Variants in PHLDB2 observed in about 807,000 individuals in gnomAD.
PHLDB2 encodes pleckstrin homology like domain family B member 2.
Under a neutral mutation model 123.6 loss-of-function variants are expected in PHLDB2, and 71 were observed. The ratio of observed to expected loss-of-function variants is 0.57; its 90% CI spans 0.47 to 0.70. The LOEUF is 0.70. Ranked by LOEUF, PHLDB2 falls within the 30% of genes least tolerant of loss-of-function variation. The pLI, the probability that PHLDB2 is intolerant of heterozygous loss-of-function variation, is 0.00. For missense variants in PHLDB2, 1,446 were observed against 1,519.5 expected (o/e 0.95, Z 0.80); for synonymous variants, 547 against 541.6 (o/e 1.01, Z -0.14).
intron 1 of PHLDB2, among the ~76,000 whole-genome samples, chr3:111,876,930 T>C (rs1458379254): frequency 6.6e-6 from 1 of 152,258 alleles, no homozygotes; most frequent in Admixed American, 6.5e-5. Context: ...TAGTATTCCA[T>C]GGTGTATATG....
intron 12 of PHLDB2, among the ~76,000 whole-genome samples, chr3:111,956,828 A>G (rs993923528): frequency 4.6e-5 from 7 of 152,234 alleles, no homozygotes; most frequent in Non-Finnish European, 1.0e-4. Context: ...AATTTCATTT[A>G]GAATTGTTTG....
At chr3:111,750,328 T>A (rs1021287312) in intron 1 of PHLDB2, among the ~76,000 whole-genome samples, 7 of 152,204 alleles carry the variant, frequency 4.6e-5, no homozygotes, top group Non-Finnish European at 8.8e-5. Context: ...TTGAGAAGCC[T>A]ACAGAGTCTC....
upstream of PHLDB2, chr3:111,859,176 C>G (rs1446254671): frequency 1.0e-6 from 1 of 984,964 alleles, no homozygotes; most frequent in African/African-American, 1.7e-5. Context: ...ATAGATACTT[C>G]GCTGTCTGGT....
chr3:111,975,612 A>C lies in PHLDB2; in HGVS notation c.*1049A>C, dbSNP rs1466392406. ...TCTATAAAACGGCAAATGAAGTTCA[A>C]CTTAATATTCTCTATAATGTATTAT... is the stretch of plus-strand genomic sequence containing the variant. On this transcript the variant is annotated 3_prime_UTR_variant, in exon 18 of 18. Coordinates refer to ENST00000431670, the MANE Select transcript of PHLDB2 (RefSeq NM_001134438.2). The C allele has an allele frequency of 6.6e-6, 1 of 152,474 alleles. No homozygotes were observed. The highest frequency in any genetic ancestry group is 1.5e-5 in the Non-Finnish European group (1 of 68,042). The allele number at this position is 152,474 out of a possible 1,614,324, so 9.4% of individuals were successfully genotyped here.
chr3:111,925,858 T>G (rs1199525742), intron 5 of PHLDB2, among the ~76,000 whole-genome samples: 1 of 152,250 alleles, frequency 6.6e-6, no homozygotes, highest in Non-Finnish European at 1.5e-5. Context: ...ACTAAAAATA[T>G]TTTTCAATTT....
chr3:111,945,015 T>A (rs938304824), intron 8 of PHLDB2, among the ~76,000 whole-genome samples: 1 of 152,244 alleles, frequency 6.6e-6, no homozygotes, highest in Non-Finnish European at 1.5e-5. Context: ...CATTTTTAAA[T>A]GACTCTATAA....
intron 1 of PHLDB2, among the ~76,000 whole-genome samples, chr3:111,763,095 G>A (rs2060021834): frequency 6.6e-6 from 1 of 152,198 alleles, no homozygotes; most frequent in Admixed American, 6.5e-5. Context: ...AGCCATAGCT[G>A]CACTGAGCTT....
At chr3:111,772,447 A>G (rs1241604349) in intron 1 of PHLDB2, among the ~76,000 whole-genome samples, 1 of 152,204 alleles carries the variant, frequency 6.6e-6, no homozygotes, top group African/African-American at 2.4e-5. Flanking sequence ...TATGAAGGGG[A>G]GTAACCATAT....
At chr3:111,787,408 CT>C (rs1310036633) in intron 1 of PHLDB2, among the ~76,000 whole-genome samples, 1 of 152,116 alleles carries the variant, frequency 6.6e-6, no homozygotes, top group East Asian at 1.9e-4. Flanking sequence ...AGATATTCTC[CT>C]TTATCTTTGG....
At chr3:111,856,673 G>A (rs2064524260), upstream of PHLDB2, among the ~76,000 whole-genome samples, 1 of 152,132 alleles carries the variant, frequency 6.6e-6, no homozygotes, top group Non-Finnish European at 1.5e-5. Context: ...GTGTATTTCT[G>A]GCATTGCTCG....
In PHLDB2 at chr3:111,951,030, G is replaced by A. The variant is rs533815864; in HGVS notation, c.2632-1542G>A. 1.6e-3 allele frequency among the ~76,000 whole-genome samples: 249 copies of A among 152,172 alleles called. 2 individuals are homozygous for A. Among genetic ancestry groups the A allele is most frequent in the African/African-American group, 5.8e-3 (242 of 41,522 alleles). On this transcript the variant is annotated intron_variant, in intron 10 of 17. Transcript: ENST00000431670. ...TCAGTTAGACTGTGTTTTCATTGGGGTTTCTTTTCTATTTTATTAAGCTAT... is the reference window on the plus strand; with the variant it reads ...TCAGTTAGACTGTGTTTTCATTGGGATTTCTTTTCTATTTTATTAAGCTAT...
intron 1 of PHLDB2, among the ~76,000 whole-genome samples, chr3:111,739,429 C>T (rs542165034): frequency 6.6e-6 from 1 of 152,132 alleles, no homozygotes; most frequent in East Asian, 1.9e-4. Flanking sequence ...AAACGGAAGC[C>T]CTTAAAGGTG....
At chr3:111,889,427 T>TG (rs2066352194) in intron 2 of PHLDB2, among the ~76,000 whole-genome samples, 1 of 151,356 alleles carries the variant, frequency 6.6e-6, no homozygotes, top group Non-Finnish European at 1.5e-5. Flanking sequence ...TTAGGCTGGG[T>TG]GAGGTGGCTT....
intron 1 of PHLDB2, among the ~76,000 whole-genome samples, chr3:111,788,982 C>G (rs997671183): frequency 3.3e-5 from 5 of 152,098 alleles, no homozygotes; most frequent in African/African-American, 2.4e-5. Flanking sequence ...ATTGCAAGAT[C>G]GTGGGTAGAG....
intron 5 of PHLDB2, among the ~76,000 whole-genome samples, chr3:111,925,903 T>G (rs1205165706): frequency 6.6e-6 from 1 of 152,256 alleles, no homozygotes. Flanking sequence ...TATCTGTGCT[T>G]CTTTTTAGCG....
intron 1 of PHLDB2, among the ~76,000 whole-genome samples, chr3:111,845,182 G>T (rs930182822): frequency 3.3e-5 from 5 of 151,514 alleles, no homozygotes; most frequent in Non-Finnish European, 1.5e-5. Flanking sequence ...GTGAAACCCC[G>T]TCTCTACTAA....
At chr3:111,789,330 A>G (rs1433421276) in intron 1 of PHLDB2, among the ~76,000 whole-genome samples, 3 of 152,236 alleles carry the variant, frequency 2.0e-5, no homozygotes, top group Non-Finnish European at 4.4e-5. Context: ...TATGGGAACT[A>G]CGTAGTCATT....
upstream of PHLDB2, among the ~76,000 whole-genome samples, chr3:111,855,069 C>T (rs2064420730): frequency 6.6e-6 from 1 of 151,780 alleles, no homozygotes; most frequent in South Asian, 2.1e-4. Context: ...AATCAGAAGT[C>T]AACAGGTAAT....
At chr3:111,821,145 C>G (rs2062358532) in intron 1 of PHLDB2, among the ~76,000 whole-genome samples, 1 of 152,182 alleles carries the variant, frequency 6.6e-6, no homozygotes. Context: ...TGAATCGGGC[C>G]TGCTTTCAGC....
Sources: gnomAD v4.1 joint callset for allele counts (sites outside exome capture counted in the v4.1 genomes callset) on GRCh38, gnomAD v4.1.1 for gene constraint, MANE v1.5 for transcripts, NCBI Gene and HGNC (gene_info 2026-07-23, HGNC 2026-07-21) for gene names.